ANXA10: variants seen among roughly 807,000 people sequenced by gnomAD.
ANXA10 encodes annexin A10.
A neutral mutation model predicts 53.5 loss-of-function variants in ANXA10; 49 were observed. That is an observed-to-expected ratio of 0.92 (90% CI 0.73 to 1.16). The LOEUF is 1.16. Ranked by LOEUF, ANXA10 falls within the 50% of genes most tolerant of loss-of-function variation. ANXA10 has a pLI of 0.00. For synonymous variants in ANXA10, 131 were observed against 128.9 expected (o/e 1.02, Z -0.11); for missense variants, 393 against 394.4 (o/e 1.00, Z 0.03).
chr4:168,136,854 T>C (rs10030700), intron 2 of ANXA10, among the ~76,000 whole-genome samples: 102,656 of 152,160 alleles, frequency 0.67, 36,237 homozygotes, highest in African/African-American at 0.88. Flanking sequence ...TAGAGGTTCC[T>C]CATGAAGGCT....
chr4:168,129,395 A>G (rs1731123932), intron 2 of ANXA10, among the ~76,000 whole-genome samples: 1 of 152,178 alleles, frequency 6.6e-6, no homozygotes, highest in Non-Finnish European at 1.5e-5. Flanking sequence ...ACTATGGGTC[A>G]CAGCAATCTG....
intron 2 of ANXA10, among the ~76,000 whole-genome samples, chr4:168,129,090 G>T (rs757049638): frequency 1.3e-5 from 2 of 151,994 alleles, no homozygotes; most frequent in Admixed American, 6.6e-5. Flanking sequence ...TTTGCATAAG[G>T]CATGCAAAAA....
At chr4:168,141,885 C>T (rs1456046703) in intron 3 of ANXA10, among the ~76,000 whole-genome samples, 1 of 152,070 alleles carries the variant, frequency 6.6e-6, no homozygotes, top group Admixed American at 6.5e-5. Context: ...CTAGTTTCCA[C>T]CCCAGGTTTG....
Position 168,165,301 on chromosome 4 carries a change from G to T in ANXA10, c.455G>T (p.Arg152Ile). 6.3e-7 allele frequency: 1 copy of T among 1,585,754 alleles called. No homozygotes were observed. Among genetic ancestry groups the T allele is most frequent in the South Asian group, 1.2e-5 (1 of 86,260 alleles). Residue 152 changes from arginine (R) to isoleucine (I), a missense_variant, in exon 6 of 12, where the codon AGA becomes ATA. By Grantham distance (97) the Arg-to-Ile change is moderately conservative. Coordinates refer to ENST00000359299, the MANE Select transcript of ANXA10 (RefSeq NM_007193.5). ...DIYSETSGHF[R>I]DTLMNLVQGT... The stretch of plus-strand genomic sequence containing the variant: ...TATTCAGAGACCTCAGGACACTTCA[G>T]AGATACTCTCATGAACTTGGTCCAG...
chr4:168,152,938 G>T (rs537760154), intron 3 of ANXA10, among the ~76,000 whole-genome samples: 1 of 151,834 alleles, frequency 6.6e-6, no homozygotes, highest in African/African-American at 2.4e-5. Context: ...CACCCTCACG[G>T]GCTCAGGTAA....
intron 1 of ANXA10, among the ~76,000 whole-genome samples, chr4:168,121,218 A>G (rs920022554): frequency 2.7e-5 from 4 of 147,940 alleles, no homozygotes; most frequent in African/African-American, 1.1e-4. Context: ...TCACCAAAAA[A>G]CACACACACA....
intron 1 of ANXA10, among the ~76,000 whole-genome samples, chr4:168,100,032 T>C (rs1730615802): frequency 6.6e-6 from 1 of 152,116 alleles, no homozygotes. Flanking sequence ...TTCTCAATGC[T>C]TTTTGCATAT....
chr4:168,146,765 G>A (rs866118304), intron 3 of ANXA10, among the ~76,000 whole-genome samples: 1 of 152,180 alleles, frequency 6.6e-6, no homozygotes, highest in Non-Finnish European at 1.5e-5. Context: ...ACTACAGAAG[G>A]AAACTTCTGT....
At chr4:168,114,595 G>T (rs1478218498) in intron 1 of ANXA10, among the ~76,000 whole-genome samples, 1 of 152,142 alleles carries the variant, frequency 6.6e-6, no homozygotes, top group East Asian at 1.9e-4. Context: ...TGTCATGGAA[G>T]TCTATTGTAC....
intron 1 of ANXA10, among the ~76,000 whole-genome samples, chr4:168,112,458 T>C (rs1220990041): frequency 2.6e-5 from 4 of 152,248 alleles, no homozygotes; most frequent in East Asian, 3.8e-4. Context: ...TATTTTCTCT[T>C]TTGGTTGCTA....
chr4:168,156,050 TATA>T (rs1560784228), intron 3 of ANXA10, among the ~76,000 whole-genome samples: 1 of 72,166 alleles, frequency 1.4e-5, no homozygotes, highest in East Asian at 4.2e-4. Context: ...TATTATATAT[TATA>T]TATTATATAT....
intron 3 of ANXA10, among the ~76,000 whole-genome samples, chr4:168,157,057 G>T (rs1731698105): frequency 6.6e-6 from 1 of 151,780 alleles, no homozygotes; most frequent in African/African-American, 2.4e-5. Flanking sequence ...TAAATTACCT[G>T]ATAAATAACT....
intron 10 of ANXA10, among the ~76,000 whole-genome samples, chr4:168,183,606 C>T (rs997798599): frequency 6.6e-6 from 1 of 152,104 alleles, no homozygotes; most frequent in Non-Finnish European, 1.5e-5. Context: ...GGAAGATATG[C>T]GTATTCACAA....
intron 6 of ANXA10, among the ~76,000 whole-genome samples, chr4:168,170,263 T>C (rs1436844043): frequency 6.6e-6 from 1 of 152,216 alleles, no homozygotes; most frequent in East Asian, 1.9e-4. Context: ...AACTTGAATT[T>C]TTAATTTGAT....
Position 168,153,443 on chromosome 4 carries a change from AAAAACAAAAACAAAAC to A in ANXA10, c.196-9080_196-9065del, listed in dbSNP as rs1182333964. Among the ~76,000 whole-genome samples the A allele has an allele frequency of 4.2e-4, 21 of 49,936 alleles. 1 individual carries two copies. The highest frequency in any genetic ancestry group is 5.4e-4 in the African/African-American group (7 of 12,890). 32.8% of individuals were successfully genotyped at this position (49,936 alleles called of 152,430 possible). ...AAAGCAAAAAAAAAAAAAAAAAAAC[AAAAACAAAAACAAAAC>A]AAAAAAAAAAACCAATAACAACAAC... On this transcript the variant is annotated intron_variant, in intron 3 of 11. Coordinates refer to ENST00000359299, the MANE Select transcript of ANXA10 (RefSeq NM_007193.5).
intron 2 of ANXA10, among the ~76,000 whole-genome samples, chr4:168,133,137 G>A (rs1487078724): frequency 1.3e-5 from 2 of 152,012 alleles, no homozygotes; most frequent in Non-Finnish European, 2.9e-5. Flanking sequence ...CTTGGTGATT[G>A]TGCTGTTTAA....
intron 2 of ANXA10, among the ~76,000 whole-genome samples, chr4:168,129,366 G>C (rs193250538): frequency 1.3e-5 from 2 of 152,252 alleles, no homozygotes; most frequent in Admixed American, 1.3e-4. Context: ...TTATTGAGGA[G>C]TGCAATTTTT....
intron 3 of ANXA10, among the ~76,000 whole-genome samples, chr4:168,160,591 T>A (rs1731765647): frequency 6.6e-6 from 1 of 152,148 alleles, no homozygotes; most frequent in Non-Finnish European, 1.5e-5. Context: ...GTAATGAGAT[T>A]GCTGGGTCAA....
chr4:168,107,391 G>T (rs1394738053), intron 1 of ANXA10, among the ~76,000 whole-genome samples: 1 of 152,050 alleles, frequency 6.6e-6, no homozygotes, highest in Non-Finnish European at 1.5e-5. Context: ...AGAAATTGTT[G>T]TATTTATCCT....
Sources: gnomAD v4.1 joint callset for allele counts (sites outside exome capture counted in the v4.1 genomes callset) on GRCh38, gnomAD v4.1.1 for gene constraint, MANE v1.5 for transcripts, NCBI Gene and HGNC (gene_info 2026-07-23, HGNC 2026-07-21) for gene names.